Variants in AMMECR1 observed in about 807,000 individuals in gnomAD.
AMMECR1 encodes AMMECR nuclear protein 1.
AMMECR1 carries 3 observed loss-of-function variants against 22.5 expected under a neutral mutation model. The ratio of observed to expected loss-of-function variants is 0.13; its 90% CI spans 0.06 to 0.35. The LOEUF (loss-of-function observed/expected upper bound fraction) is 0.35. Among genes scored for constraint, AMMECR1 ranks in the 10% least tolerant of loss-of-function variants. AMMECR1 has a pLI of 1.00. For synonymous variants in AMMECR1, 130 were observed against 116.7 expected (o/e 1.11, Z -0.74); for missense variants, 235 against 278.7 (o/e 0.84, Z 1.12).
chrX:110,409,311 C>T (rs747398400), intron 2 of AMMECR1, among the ~76,000 whole-genome samples: 3 of 111,183 alleles, frequency 2.7e-5, no homozygotes, highest in Non-Finnish European at 3.8e-5. Flanking sequence ...AGGCCCAGGG[C>T]TTCCTACAGT....
At chrX:110,307,957 C>T (rs1313637932) in intron 1 of AMMECR1, among the ~76,000 whole-genome samples, 1 of 104,181 alleles carries the variant, frequency 9.6e-6, no homozygotes, top group South Asian at 4.6e-4. Flanking sequence ...GCACCCTCGA[C>T]CTCCTGGGTT....
intron 2 of AMMECR1, among the ~76,000 whole-genome samples, chrX:110,225,485 A>C (rs1307254120): frequency 2.7e-5 from 3 of 112,268 alleles, no homozygotes; most frequent in East Asian, 2.8e-4. Context: ...ACAATAGTCA[A>C]ACAGCTTAAG....
intron 2 of AMMECR1, among the ~76,000 whole-genome samples, chrX:110,354,850 C>G (rs748434927): frequency 8.9e-6 from 1 of 111,958 alleles, no homozygotes; most frequent in African/African-American, 3.2e-5. Flanking sequence ...AATAAATAAA[C>G]TTGAACATAC....
chrX:110,350,594 A>G (rs1172412554), intron 2 of AMMECR1, among the ~76,000 whole-genome samples: 1 of 112,241 alleles, frequency 8.9e-6, no homozygotes, highest in Non-Finnish European at 1.9e-5. Context: ...AAAAGCATTC[A>G]GCAATTTGCA....
chrX:110,248,296 G>T (rs1454671804), intron 2 of AMMECR1, among the ~76,000 whole-genome samples: 1 of 110,757 alleles, frequency 9.0e-6, no homozygotes, highest in East Asian at 2.8e-4. Context: ...TGAGGTGAGA[G>T]AATTCCTTGA....
intron 2 of AMMECR1, among the ~76,000 whole-genome samples, chrX:110,230,990 T>C (rs2148180316): frequency 9.1e-6 from 1 of 110,326 alleles, no homozygotes; most frequent in East Asian, 2.8e-4. Context: ...GATAAAAAAG[T>C]AAGAAACAAA....
chrX:110,235,747 G>A (rs1262482576), intron 2 of AMMECR1, among the ~76,000 whole-genome samples: 1 of 111,632 alleles, frequency 9.0e-6, no homozygotes, highest in Non-Finnish European at 1.9e-5. Flanking sequence ...TTTACTCATA[G>A]ATGGGAATTG....
At chrX:110,300,839 T>G (rs747511555) in intron 1 of AMMECR1, among the ~76,000 whole-genome samples, 3 of 111,878 alleles carry the variant, frequency 2.7e-5, no homozygotes, top group Non-Finnish European at 5.6e-5. Flanking sequence ...TTCCAATATG[T>G]TTAGATAAAT....
chrX:110,381,933 T>C (rs2068422632), intron 2 of AMMECR1, among the ~76,000 whole-genome samples: 1 of 111,260 alleles, frequency 9.0e-6, no homozygotes, highest in East Asian at 2.8e-4. Flanking sequence ...ATGGAATCAA[T>C]AGAAGCCCAA....
chrX:110,430,363 G>C (rs2068787670), intron 1 of AMMECR1, among the ~76,000 whole-genome samples: 1 of 112,496 alleles, frequency 8.9e-6, no homozygotes, highest in Non-Finnish European at 1.9e-5. Flanking sequence ...TAAGTGCTTT[G>C]TGTGTATTAA....
intron 1 of AMMECR1, among the ~76,000 whole-genome samples, chrX:110,307,727 T>G (rs1035966819): frequency 2.3e-4 from 25 of 110,969 alleles, no homozygotes; most frequent in African/African-American, 6.9e-4. Flanking sequence ...CAGAGTTATG[T>G]AGAGGCCTCA....
In AMMECR1 at chrX:110,405,088, T is replaced by TCC. The variant is rs35297150; in HGVS notation, c.-148+21568_-148+21569dup. Among the ~76,000 whole-genome samples the TCC allele has an allele frequency of 2.2e-3, 160 of 74,083 alleles. 6 individuals carry two copies. The highest frequency in any genetic ancestry group is 2.8e-3 in the Non-Finnish European group (102 of 36,686). 64.3% of individuals were successfully genotyped at this position (74,083 alleles called of 115,157 possible). ...AATATATTCAGGTGTGCTTGTTGTG[T>TCC]CCCCCCCCCCCCCAAGCATGAGTCA... On this transcript the variant is annotated intron_variant, in intron 2 of 7. Transcript: ENST00000372057.
chrX:110,426,277 T>G (rs2068753427), intron 2 of AMMECR1, among the ~76,000 whole-genome samples: 1 of 112,137 alleles, frequency 8.9e-6, no homozygotes, highest in African/African-American at 3.2e-5. Flanking sequence ...TAGCTAACTC[T>G]TCTTCCATCT....
chrX:110,233,294 T>C (rs2067580159), intron 2 of AMMECR1, among the ~76,000 whole-genome samples: 2 of 112,200 alleles, frequency 1.8e-5, no homozygotes, highest in African/African-American at 3.2e-5. Flanking sequence ...AGAATTTGAA[T>C]GTCTGAATAG....
At chrX:110,200,574 C>A (rs149189229) in intron 5 of AMMECR1, among the ~76,000 whole-genome samples, 8 of 112,044 alleles carry the variant, frequency 7.1e-5, no homozygotes, top group African/African-American at 2.6e-4. Flanking sequence ...TCTATCACTG[C>A]CAAAATTCTG....
chrX:110,418,889 G>T (rs2148318328), intron 2 of AMMECR1, among the ~76,000 whole-genome samples: 1 of 110,967 alleles, frequency 9.0e-6, no homozygotes, highest in East Asian at 2.8e-4. Flanking sequence ...TTCAGCCGCG[G>T]CCTGAGCCCA....
chrX:110,323,222 G>A (rs2068085784), intron 2 of AMMECR1, among the ~76,000 whole-genome samples: 2 of 112,227 alleles, frequency 1.8e-5, no homozygotes, highest in Non-Finnish European at 3.8e-5. Context: ...TCTCTGGTTT[G>A]TTCTTTCTTT....
chrX:110,354,434 G>A (rs1046962797), intron 2 of AMMECR1, among the ~76,000 whole-genome samples: 3 of 111,705 alleles, frequency 2.7e-5, no homozygotes, highest in African/African-American at 6.5e-5. Context: ...ATTGTATTAG[G>A]TATTATAAAT....
intron 2 of AMMECR1, among the ~76,000 whole-genome samples, chrX:110,414,218 C>G (rs1308938043): frequency 8.9e-6 from 1 of 112,384 alleles, no homozygotes; most frequent in Admixed American, 9.3e-5. Context: ...GTTAGTCCCA[C>G]CAGAAAGTCA....
Sources: allele counts gnomAD v4.1 joint callset (sites outside exome capture counted in the v4.1 genomes callset), GRCh38; gene constraint gnomAD v4.1.1; transcripts MANE v1.5; gene names NCBI Gene and HGNC (gene_info 2026-07-23, HGNC 2026-07-21).